PLEK: variants seen among roughly 807,000 people sequenced by gnomAD.
PLEK encodes the protein pleckstrin.
Under a neutral mutation model 43.9 loss-of-function variants are expected in PLEK, and 25 were observed. The ratio of observed to expected loss-of-function variants is 0.57; its 90% confidence interval spans 0.41 to 0.79. The LOEUF is 0.79. PLEK is among the 30% of genes least tolerant of loss of function. The pLI is 0.00. For synonymous variants in PLEK, 152 were observed against 144.4 expected (o/e 1.05, Z -0.38); for missense variants, 396 against 413.3 (o/e 0.96, Z 0.36).
intron 1 of PLEK, among the ~76,000 whole-genome samples, chr2:68,375,100 TA>T (rs1673477709): frequency 6.6e-6 from 1 of 152,180 alleles, no homozygotes; most frequent in Non-Finnish European, 1.5e-5. Flanking sequence ...AGCTTTAGCA[TA>T]AAACCACCAG....
chr2:68,370,246 A>G (rs1673372866), intron 1 of PLEK, among the ~76,000 whole-genome samples: 1 of 152,196 alleles, frequency 6.6e-6, no homozygotes, highest in South Asian at 2.1e-4. Flanking sequence ...GGGAAGTTAA[A>G]AGAGATGCCT....
At chr2:68,367,127 T>C (rs1057395226) in intron 1 of PLEK, among the ~76,000 whole-genome samples, 3 of 152,214 alleles carry the variant, frequency 2.0e-5, no homozygotes, top group Admixed American at 6.5e-5. Flanking sequence ...AATAGTGAAA[T>C]TTTGTATTGA....
rs1416894154 is a variant in PLEK, at chr2:68,386,488, C to A, written c.473-14C>A. 2 of 1,609,314 alleles carry A rather than the reference C, an allele frequency of 1.2e-6. No homozygotes were observed. Among genetic ancestry groups the A allele is most frequent in the South Asian group, 2.2e-5 (2 of 90,848 alleles). Reference sequence around the variant, plus strand: ...GTAAGGAGAGTTAACCTTCCCTGTGCTGGTCCCATCTAGGTAACTGCGTCA... The same window carrying A: ...GTAAGGAGAGTTAACCTTCCCTGTGATGGTCCCATCTAGGTAACTGCGTCA... On this transcript the variant is annotated splice_polypyrimidine_tract_variant and intron_variant, in intron 4 of 8. Coordinates refer to ENST00000234313, the MANE Select transcript of PLEK (RefSeq NM_002664.3).
At chr2:68,387,407 G>A (rs1031234420) in intron 5 of PLEK, among the ~76,000 whole-genome samples, 1 of 152,204 alleles carries the variant, frequency 6.6e-6, no homozygotes, top group African/African-American at 2.4e-5. Flanking sequence ...CTGCCCTACT[G>A]CAGCTTCCTT....
At chr2:68,368,257 C>G (rs72892058) in intron 1 of PLEK, among the ~76,000 whole-genome samples, 24,761 of 152,206 alleles carry the variant, frequency 0.16, 2,568 homozygotes, top group African/African-American at 0.3. Context: ...TTTCACCTTA[C>G]TTTTTTGTTT....
chr2:68,395,604 T>C, intron 8 of PLEK, 76 bp from the exon 9 acceptor site: 2 of 1,492,410 alleles, frequency 1.3e-6, no homozygotes, highest in South Asian at 1.1e-5. Flanking sequence ...AGAGATTTCA[T>C]GGCTTGCAGA....
Position 68,380,426 on chromosome 2 carries a change from G to A in PLEK, c.141G>A (p.Met47Ile), listed in dbSNP as rs1178107007. 6.2e-7 allele frequency: 1 copy of A among 1,614,014 alleles called. No individual in the cohort carries two copies. The highest frequency in any genetic ancestry group is 1.7e-5 in the Admixed American group (1 of 60,008). The change falls in exon 2 of 9, where the codon ATG becomes ATA. Residue 47 changes from methionine to isoleucine, a missense_variant. Transcript: ENST00000234313. ...AAAGTGACAACAGCCCCAAAGGAAT[G>A]ATCCCGCTGAAAGGGAGCACTCTGA... ...KKKSDNSPKGMIPLKGSTLTS... is the reference protein window; with the variant it reads ...KKKSDNSPKGIIPLKGSTLTS...
intron 1 of PLEK, among the ~76,000 whole-genome samples, chr2:68,366,115 G>A (rs1001656784): frequency 3.3e-5 from 5 of 152,204 alleles, no homozygotes; most frequent in South Asian, 2.1e-4. Context: ...AAAGCTCCCC[G>A]GGATGTGAAT....
intron 2 of PLEK, 118 bp downstream of exon 2, chr2:68,380,601 C>T (rs954706496): frequency 7.2e-7 from 1 of 1,382,498 alleles, no homozygotes; most frequent in African/African-American, 1.4e-5. Context: ...ACCACCCACA[C>T]CCCACCCTGG....
Position 68,395,735 on chromosome 2 carries a change from C to A in PLEK, c.972C>A (p.His324Gln). The change falls in exon 9 of 9, where the codon CAC becomes CAA. Residue 324 changes from histidine to glutamine, a missense_variant. Transcript: ENST00000234313. ...LFEIITADEV[H>Q]YFLQAATPKE... The stretch of plus-strand genomic sequence containing the variant: ...AGATCATCACAGCAGATGAAGTGCA[C>A]TATTTCTTGCAAGCAGCCACCCCCA... 1 of 1,613,866 alleles carries A rather than the reference C, an allele frequency of 6.2e-7. No individual in the cohort carries two copies. Among genetic ancestry groups the A allele is most frequent in the South Asian group, 1.1e-5 (1 of 91,082 alleles).
intron 1 of PLEK, among the ~76,000 whole-genome samples, chr2:68,367,430 C>T (rs758308473): frequency 6.6e-6 from 1 of 152,166 alleles, no homozygotes; most frequent in Non-Finnish European, 1.5e-5. Flanking sequence ...TCCAACCCTC[C>T]ACTCTCACAT....
At chr2:68,377,854 A>G (rs1401779806) in intron 1 of PLEK, among the ~76,000 whole-genome samples, 1 of 152,176 alleles carries the variant, frequency 6.6e-6, no homozygotes, top group Non-Finnish European at 1.5e-5. Context: ...GGCCAGACCA[A>G]TGTCTTGTAG....
intron 5 of PLEK, 83 bp from the exon 6 acceptor site, chr2:68,388,304 G>A: frequency 2.6e-6 from 2 of 774,716 alleles, no homozygotes; most frequent in Non-Finnish European, 2.3e-6. Context: ...CCTCATGGCT[G>A]GAGGGGAGGG....
chr2:68,377,385 C>CA (rs1673526461), intron 1 of PLEK, among the ~76,000 whole-genome samples: 2 of 152,156 alleles, frequency 1.3e-5, no homozygotes, highest in African/African-American at 2.4e-5. Context: ...ACATTCCCAC[C>CA]AACAGTGTAC....
chr2:68,375,731 T>A (rs1175362283), intron 1 of PLEK, among the ~76,000 whole-genome samples: 1 of 152,072 alleles, frequency 6.6e-6, no homozygotes, highest in Non-Finnish European at 1.5e-5. Context: ...AGCAGCAGGG[T>A]CTCTTGGGAA....
chr2:68,377,540 C>A (rs774479829), intron 1 of PLEK, among the ~76,000 whole-genome samples: 35 of 152,182 alleles, frequency 2.3e-4, no homozygotes, highest in Non-Finnish European at 4.6e-4. Context: ...AGCACCTTTT[C>A]ATATGCACAC....
In PLEK at chr2:68,382,662, G is replaced by A. The variant is rs115699314; in HGVS notation, c.472+29G>A. ...AAAGCACTTGCAGGCCTGAAATAGGGCGACTGGGAAGGCGATATGGAGTCC... is the reference window on the plus strand; with the variant it reads ...AAAGCACTTGCAGGCCTGAAATAGGACGACTGGGAAGGCGATATGGAGTCC... On this transcript the variant is annotated intron_variant, in intron 4 of 8. Coordinates refer to ENST00000234313, the MANE Select transcript of PLEK (RefSeq NM_002664.3). 939 of 1,298,654 alleles carry A rather than the reference G, an allele frequency of 7.2e-4. 5 individuals are homozygous for A. In the African/African-American group the frequency reaches 0.012, roughly 16 times the overall value. The allele number at this position is 1,298,654 out of a possible 1,614,324, so 80.4% of individuals were successfully genotyped here. A position where few individuals can be genotyped will look rare whatever the true frequency, so the allele number is the denominator to read the frequency against.
chr2:68,384,309 G>A (rs1304347378), intron 4 of PLEK, among the ~76,000 whole-genome samples: 2 of 151,980 alleles, frequency 1.3e-5, no homozygotes, highest in Non-Finnish European at 2.9e-5. Context: ...TGCAACCTCT[G>A]CCGCCCGGGT....
chr2:68,382,190 A>T (rs1480343811), intron 3 of PLEK, among the ~76,000 whole-genome samples: 2 of 152,184 alleles, frequency 1.3e-5, no homozygotes, highest in Non-Finnish European at 1.5e-5. Flanking sequence ...GAATGTGTAG[A>T]AAATGGACCC....
Sources: gnomAD v4.1 joint callset for allele counts (sites outside exome capture counted in the v4.1 genomes callset) on GRCh38, gnomAD v4.1.1 for gene constraint, MANE v1.5 for transcripts, NCBI Gene and HGNC (gene_info 2026-07-23, HGNC 2026-07-21) for gene names.